Variants in TES observed in about 807,000 individuals in gnomAD.
TES encodes the protein testin.
A neutral mutation model predicts 48.2 loss-of-function variants in TES; 41 were observed. The observed-to-expected ratio is 0.85, with a 90% confidence interval of 0.66 to 1.10. TES has a LOEUF of 1.10. Among genes scored for constraint, TES ranks in the 50% least tolerant of loss-of-function variants. The probability of loss-of-function intolerance (pLI) is 0.00; values close to 1 mark genes in which losing one functional copy is unlikely to be tolerated. For synonymous variants in TES, 162 were observed against 174.9 expected (o/e 0.93, Z 0.58); for missense variants, 463 against 515.1 (o/e 0.90, Z 0.98).
At chr7:116,241,046 T>C (rs1192623717) in intron 2 of TES, among the ~76,000 whole-genome samples, 7 of 152,180 alleles carry the variant, frequency 4.6e-5, no homozygotes, top group Non-Finnish European at 5.9e-5. Flanking sequence ...AAGGGTAGAA[T>C]CTGGGTTAGT....
In TES at chr7:116,256,557, CAT is replaced by C. The variant is rs1800101466; in HGVS notation, c.1078-736_1078-735del. ...ACATAGGTTATTTATTCATTTTCCT[CAT>C]GTGCATGTTTGAATAAGAAGAAAAT... On this transcript the variant is annotated intron_variant, in intron 6 of 6. Coordinates refer to ENST00000358204, the MANE Select transcript of TES (RefSeq NM_015641.4). 2.6e-5 allele frequency among the ~76,000 whole-genome samples: 4 copies of C among 152,248 alleles called. 1 individual carries two copies. The highest frequency in any genetic ancestry group is 2.1e-4 in the South Asian group (1 of 4,828).
At chr7:116,231,314 A>C (rs983056440) in intron 1 of TES, among the ~76,000 whole-genome samples, 1 of 152,242 alleles carries the variant, frequency 6.6e-6, no homozygotes, top group Admixed American at 6.5e-5. Flanking sequence ...TCTAATAAAT[A>C]AAATGATAGC....
At chr7:116,216,543 T>C (rs1285034607) in intron 1 of TES, among the ~76,000 whole-genome samples, 1 of 152,092 alleles carries the variant, frequency 6.6e-6, no homozygotes, top group African/African-American at 2.4e-5. Context: ...ATCAGTAGTC[T>C]ACCATGTGTA....
In TES at chr7:116,226,467, G is replaced by A. The variant is rs564411575; in HGVS notation, c.28-8067G>A. 2.6e-4 allele frequency among the ~76,000 whole-genome samples: 39 copies of A among 152,296 alleles called. No homozygotes were observed. In the Middle Eastern group the frequency reaches 0.01, roughly 40 times the overall value. On this transcript the variant is annotated intron_variant, in intron 1 of 6. Transcript: ENST00000358204. Reference sequence around the variant, plus strand: ...AGGTTCAAGCAAAGTGAAAAGCTCCGCTTAAAACAGAGAGCGGCTGGAGGG... The same window carrying A: ...AGGTTCAAGCAAAGTGAAAAGCTCCACTTAAAACAGAGAGCGGCTGGAGGG...
At chr7:116,217,764 G>T (rs757328329) in intron 1 of TES, 2 of 518,302 alleles carry the variant, frequency 3.9e-6, no homozygotes, top group African/African-American at 3.9e-5. Context: ...ACTATTAGAG[G>T]ATTAAATTTA....
chr7:116,212,505 G>A (rs377418613), intron 1 of TES, among the ~76,000 whole-genome samples: 1 of 152,140 alleles, frequency 6.6e-6, no homozygotes, highest in African/African-American at 2.4e-5. Context: ...GGAAGGCATG[G>A]GGGAGGTACA....
intron 2 of TES, among the ~76,000 whole-genome samples, chr7:116,242,999 C>T (rs1401374220): frequency 2.0e-5 from 3 of 152,064 alleles, no homozygotes; most frequent in Non-Finnish European, 4.4e-5. Flanking sequence ...CATGCCTCAT[C>T]CTCTAGGAAC....
At chr7:116,228,016 T>TG (rs1799646826) in intron 1 of TES, among the ~76,000 whole-genome samples, 1 of 140,676 alleles carries the variant, frequency 7.1e-6, no homozygotes, top group Non-Finnish European at 1.5e-5. Flanking sequence ...TTGTTTTTTT[T>TG]TTTTTGTTTT....
intron 4 of TES, 44 bp from the exon 5 acceptor site, chr7:116,251,716 C>T: frequency 6.7e-7 from 1 of 1,496,376 alleles, no homozygotes; most frequent in Non-Finnish European, 9.3e-7. Flanking sequence ...AAAGAAATGG[C>T]AGTCTTCTAA....
chr7:116,233,706 T>A (rs1359079291), intron 1 of TES, among the ~76,000 whole-genome samples: 1 of 152,224 alleles, frequency 6.6e-6, no homozygotes, highest in Non-Finnish European at 1.5e-5. Flanking sequence ...CAAAATACCT[T>A]AGACTGGGTA....
intron 2 of TES, among the ~76,000 whole-genome samples, chr7:116,239,940 TTAAG>T (rs1466812814): frequency 2.0e-5 from 3 of 152,228 alleles, no homozygotes; most frequent in South Asian, 2.1e-4. Flanking sequence ...ATTTATCATA[TTAAG>T]TAACAGAATT....
intron 2 of TES, among the ~76,000 whole-genome samples, chr7:116,247,720 C>T (rs142684223): frequency 5.9e-5 from 9 of 152,264 alleles, no homozygotes; most frequent in African/African-American, 1.4e-4. Flanking sequence ...TCAGTTGAAA[C>T]GTTATGGTAC....
intron 1 of TES, among the ~76,000 whole-genome samples, chr7:116,212,435 T>TTGTA (rs1346804762): frequency 6.6e-6 from 1 of 152,188 alleles, no homozygotes. Context: ...GTTTCATCAC[T>TTGTA]TGTAACAAAT....
At chr7:116,221,315 A>G (rs922393235) in intron 1 of TES, among the ~76,000 whole-genome samples, 1 of 152,162 alleles carries the variant, frequency 6.6e-6, no homozygotes, top group African/African-American at 2.4e-5. Flanking sequence ...CTGAGAAAGC[A>G]CTTGATTGAA....
At chr7:116,232,986 A>T (rs1799720743) in intron 1 of TES, among the ~76,000 whole-genome samples, 1 of 152,234 alleles carries the variant, frequency 6.6e-6, no homozygotes, top group African/African-American at 2.4e-5. Flanking sequence ...GGACAAAAGG[A>T]AAGGCTTCAC....
At chr7:116,226,595 G>T (rs1799624102) in intron 1 of TES, among the ~76,000 whole-genome samples, 1 of 152,200 alleles carries the variant, frequency 6.6e-6, no homozygotes, top group African/African-American at 2.4e-5. Flanking sequence ...CTAGCAAGGG[G>T]AGTGTTATGA....
At chr7:116,248,085 G>GTAT in intron 2 of TES, among the ~76,000 whole-genome samples, 1 of 152,218 alleles carries the variant, frequency 6.6e-6, no homozygotes, top group South Asian at 2.1e-4. Flanking sequence ...TTCCTTTCCT[G>GTAT]TATTAATTCA....
At chr7:116,256,558 A>C (rs1584632842) in intron 6 of TES, among the ~76,000 whole-genome samples, 2 of 152,186 alleles carry the variant, frequency 1.3e-5, no homozygotes, top group South Asian at 4.1e-4. Context: ...CATTTTCCTC[A>C]TGTGCATGTT....
intron 5 of TES, 133 bp downstream of exon 5, chr7:116,252,108 C>T (rs773109675): frequency 4.3e-5 from 45 of 1,040,344 alleles, no homozygotes; most frequent in Non-Finnish European, 6.0e-5. Context: ...AAAAAATAAA[C>T]TTCTGATATC....
Sources: gnomAD v4.1 joint callset for allele counts (sites outside exome capture counted in the v4.1 genomes callset) on GRCh38, gnomAD v4.1.1 for gene constraint, MANE v1.5 for transcripts, NCBI Gene and HGNC (gene_info 2026-07-23, HGNC 2026-07-21) for gene names.